The following LHX6 variants were observed in gnomAD, a reference collection of about 807,000 sequenced individuals.
LHX6 encodes the protein LIM/homeobox protein Lhx6.
LHX6 carries 15 observed loss-of-function variants against 47.1 expected under a neutral mutation model. The observed-to-expected ratio is 0.32, with a 90% CI of 0.21 to 0.49. The LOEUF is 0.49. Among genes scored for constraint, LHX6 ranks in the 20% least tolerant of loss-of-function variants. The pLI, the probability that LHX6 is intolerant of heterozygous loss-of-function variation, is 0.99. For synonymous variants in LHX6, 242 were observed against 233.5 expected, an observed-to-expected ratio of 1.04 and a Z score of -0.33; for missense variants, 404 against 539.6, an observed-to-expected ratio of 0.75 and a Z score of 2.49.
chr9:122,209,660 T>G lies in LHX6; in HGVS notation c.1112A>C (p.His371Pro), dbSNP rs749304681. ...CRLPYTAPPV[H>P]LKADMDGPLS... The stretch of plus-strand genomic sequence containing the variant: ...CGGCCCATCCATATCGGCTTTGAGG[T>G]GGACGGGGGGTGCGGTGTAAGGCAG... Residue 371 changes from histidine (H) to proline (P), a missense_variant, in exon 9 of 10, where the codon CAC (histidine) becomes CCC (proline). His to Pro is a moderately conservative substitution (Grantham distance 77). Transcript: ENST00000394319. 7.0e-7 allele frequency: 1 copy of G among 1,418,644 alleles called. No individual in the cohort carries two copies. Among genetic ancestry groups the G allele is most frequent in the East Asian group, 2.3e-5 (1 of 43,958 alleles). 87.9% of individuals were successfully genotyped at this position (1,418,644 alleles called of 1,614,324 possible).
At chr9:122,209,077 T>A (rs1457783394) in intron 9 of LHX6, among the ~76,000 whole-genome samples, 1 of 152,138 alleles carries the variant, frequency 6.6e-6, no homozygotes, top group African/African-American at 2.4e-5. Flanking sequence ...TTGCATTGCT[T>A]CAGAAATAAT....
chr9:122,221,315 C>G, intron 4 of LHX6: 1 of 985,600 alleles, frequency 1.0e-6, no homozygotes, highest in Non-Finnish European at 1.2e-6. Context: ...GCTCCCCTCT[C>G]GGCTCCCCCA....
At chr9:122,221,162 G>C (rs1830838363) in intron 4 of LHX6, 1 of 985,264 alleles carries the variant, frequency 1.0e-6, no homozygotes, top group Non-Finnish European at 1.2e-6. Flanking sequence ...TGGAGGTGGG[G>C]CCCTACCTAT....
chr9:122,214,176 GCCCCGCC>G lies in LHX6; in HGVS notation c.783+100_783+106del. The G allele has an allele frequency of 1.6e-6, 2 of 1,276,122 alleles. No individual in the cohort carries two copies. Among genetic ancestry groups the G allele is most frequent in the Non-Finnish European group, 2.1e-6 (2 of 943,544 alleles). 79.0% of individuals were successfully genotyped at this position (1,276,122 alleles called of 1,614,324 possible). A position where few individuals can be genotyped will look rare whatever the true frequency, so the allele number is the denominator to read the frequency against. ...CCACGCCCCAGGCAGCTGCGGCCCC[GCCCCGCC>G]ACCCGGGTCCGGCCCGAGGGGCGGA... On this transcript the variant is annotated intron_variant, in intron 6 of 9. Coordinates refer to ENST00000394319, the MANE Select transcript of LHX6 (RefSeq NM_014368.5). The surrounding 1 kb of genome is among the most constrained non-coding windows in gnomAD (Gnocchi z 4.6).
At chr9:122,209,073 T>C (rs1429825095) in intron 9 of LHX6, among the ~76,000 whole-genome samples, 1 of 152,204 alleles carries the variant, frequency 6.6e-6, no homozygotes, top group African/African-American at 2.4e-5. Context: ...AGGGTTGCAT[T>C]GCTTCAGAAA....
chr9:122,208,859 C>G (rs1251508617), intron 9 of LHX6, among the ~76,000 whole-genome samples: 1 of 132,228 alleles, frequency 7.6e-6, no homozygotes, highest in East Asian at 2.3e-4. Flanking sequence ...AAAAAAAAAG[C>G]AAGGTTCTCA....
Position 122,228,662 on chromosome 9 carries a change from C to A in LHX6, c.79G>T (p.Asp27Tyr), listed in dbSNP as rs1334162811. 17 of 1,297,806 alleles carry A rather than the reference C, an allele frequency of 1.3e-5. No individual in the cohort carries two copies. The highest frequency in any genetic ancestry group is 2.5e-5 in the South Asian group (1 of 40,746). The allele number at this position is 1,297,806 out of a possible 1,614,324, so 80.4% of individuals were successfully genotyped here. A position where few individuals can be genotyped will look rare whatever the true frequency, so the allele number is the denominator to read the frequency against. The change falls in exon 1 of 10, where the codon GAC (aspartate) becomes TAC (tyrosine). Residue 27 changes from aspartate (D) to tyrosine (Y), a missense_variant. Asp to Tyr is a radical substitution (Grantham distance 160). Coordinates refer to ENST00000394319, the MANE Select transcript of LHX6 (RefSeq NM_014368.5). Reference sequence around the variant, plus strand: ...CCAGTCGTTCGCCGGCTCACCTGGTCGGTGGCGGGGCCGCCCTCGGCCGGC... The same window carrying A: ...CCAGTCGTTCGCCGGCTCACCTGGTAGGTGGCGGGGCCGCCCTCGGCCGGC... Reference protein sequence around the residue: ...RLPAEGGPATDQVMAQPGSGC... With the variant: ...RLPAEGGPATYQVMAQPGSGC...
chr9:122,209,048 G>A (rs1043207884), intron 9 of LHX6, among the ~76,000 whole-genome samples: 10 of 152,152 alleles, frequency 6.6e-5, no homozygotes, highest in African/African-American at 2.2e-4. Context: ...CTGCACTATG[G>A]ACAAGTTTAA....
chr9:122,205,624 T>C (rs564071383), intron 9 of LHX6, among the ~76,000 whole-genome samples: 1 of 152,218 alleles, frequency 6.6e-6, no homozygotes, highest in Admixed American at 6.5e-5. Flanking sequence ...TGATCAGGAA[T>C]GTTACTTGCC....
At chr9:122,225,508 G>T (rs979655559) in intron 4 of LHX6, among the ~76,000 whole-genome samples, 7 of 152,268 alleles carry the variant, frequency 4.6e-5, no homozygotes, top group Non-Finnish European at 7.3e-5. Context: ...ACAGGAGGAT[G>T]CGCCTGGCTG....
intron 4 of LHX6, among the ~76,000 whole-genome samples, chr9:122,225,198 A>T (rs1395175926): frequency 6.6e-6 from 1 of 152,188 alleles, no homozygotes; most frequent in Admixed American, 6.5e-5. Flanking sequence ...TGAAGCCATG[A>T]CGTCTTCCTG....
In LHX6 at chr9:122,213,710, G is replaced by A; in HGVS notation, c.950C>T (p.Ala317Val). 3 of 1,612,054 alleles carry A rather than the reference G, an allele frequency of 1.9e-6. No homozygotes were observed. The highest frequency in any genetic ancestry group is 2.2e-5 in the South Asian group (2 of 90,916). The change falls in exon 8 of 10, where the codon GCG becomes GTG. Residue 317 changes from alanine to valine, a missense_variant. By Grantham distance (64) the Ala-to-Val change is moderately conservative. Around this residue, in one of 7 missense-constraint regions of LHX6, gnomAD observed 127 missense variants for 116.1 expected, o/e 1.09. Coordinates refer to ENST00000394319, the MANE Select transcript of LHX6 (RefSeq NM_014368.5). This position sits in a 1 kb window ranked among gnomAD's most constrained non-coding sequence, Gnocchi z 5.5. ...TPQHPVPPSG[A>V]PPSRLPSALS... ...GGCGGAGGGAAGGCGGGACGGGGGC[G>A]CCCCCGAGGGCGGCACTGGGTGTTG...
rs1473133977 is a variant in LHX6 at position 122,214,188 on chromosome 9, G to A, written c.783+95C>T. On this transcript the variant is annotated intron_variant, in intron 6 of 9. Transcript: ENST00000394319. The surrounding 1 kb of genome is among the most constrained non-coding windows in gnomAD (Gnocchi z 4.6). ...CAGCTGCGGCCCCGCCCCGCCACCC[G>A]GGTCCGGCCCGAGGGGCGGAGCCAG... is the stretch of plus-strand genomic sequence containing the variant. The A allele has an allele frequency of 2.1e-5, 15 of 711,654 alleles. No homozygotes were observed. In the East Asian group the frequency reaches 3.6e-4, roughly 17 times the overall value. 44.1% of individuals were successfully genotyped at this position (711,654 alleles called of 1,614,324 possible).
chr9:122,216,694 C>G (rs1830604621), intron 5 of LHX6, among the ~76,000 whole-genome samples: 1 of 152,152 alleles, frequency 6.6e-6, no homozygotes, highest in African/African-American at 2.4e-5. Context: ...GGATGAGCCC[C>G]CAGGCCAATG....
Position 122,214,023 on chromosome 9 carries a change from G to A in LHX6, c.830C>T (p.Thr277Met). The part of the protein sequence containing the change: ...FAQDNNPDAQ[T>M]LQKLADMTGL... The stretch of plus-strand genomic sequence containing the variant: ...CGTCATGTCCGCCAGCTTCTGCAGC[G>A]TCTGAGCGTCGGGGTTGTTGTCCTG... The change falls in exon 7 of 10, where the codon ACG becomes ATG. Residue 277 changes from threonine (T) to methionine (M), a missense_variant. Coordinates refer to ENST00000394319, the MANE Select transcript of LHX6 (RefSeq NM_014368.5). The surrounding 1 kb of genome is among the most constrained non-coding windows in gnomAD (Gnocchi z 4.6). 1.3e-6 allele frequency: 2 copies of A among 1,599,972 alleles called. No homozygotes were observed. Among genetic ancestry groups the A allele is most frequent in the South Asian group, 2.2e-5 (2 of 90,850 alleles).
At chr9:122,212,027 C>T (rs533621121) in intron 8 of LHX6, among the ~76,000 whole-genome samples, 1 of 151,884 alleles carries the variant, frequency 6.6e-6, no homozygotes, top group Non-Finnish European at 1.5e-5. Context: ...CAGCCTGGTG[C>T]GAAGACAGGG....
At chr9:122,225,937 AC>A (rs1312734392) in intron 4 of LHX6, among the ~76,000 whole-genome samples, 5 of 151,974 alleles carry the variant, frequency 3.3e-5, no homozygotes, top group Non-Finnish European at 7.4e-5. Context: ...CCCGCGAGAG[AC>A]CCCACCATGA....
Position 122,214,184 on chromosome 9 carries a change from A to AC in LHX6, c.783+98dup. ...CAGGCAGCTGCGGCCCCGCCCCGCC[A>AC]CCCGGGTCCGGCCCGAGGGGCGGAG... On this transcript the variant is annotated intron_variant, in intron 6 of 9. Coordinates refer to ENST00000394319, the MANE Select transcript of LHX6 (RefSeq NM_014368.5). The surrounding 1 kb of genome is among the most constrained non-coding windows in gnomAD (Gnocchi z 4.6). 23 of 836,682 alleles carry AC rather than the reference A, an allele frequency of 2.7e-5. No individual in the cohort carries two copies. Among genetic ancestry groups the AC allele is most frequent in the Non-Finnish European group, 3.8e-5 (22 of 573,866 alleles). The allele number at this position is 836,682 out of a possible 1,614,324, so 51.8% of individuals were successfully genotyped here. A position where few individuals can be genotyped will look rare whatever the true frequency, so the allele number is the denominator to read the frequency against.
At chr9:122,210,355 T>G (rs1800105607) in intron 8 of LHX6, among the ~76,000 whole-genome samples, 1 of 152,238 alleles carries the variant, frequency 6.6e-6, no homozygotes, top group African/African-American at 2.4e-5. Flanking sequence ...ATTCAGGCCC[T>G]GCAAGCAAGG....
Sources: allele counts gnomAD v4.1 joint callset (sites outside exome capture counted in the v4.1 genomes callset), GRCh38; gene constraint gnomAD v4.1.1; regional missense constraint gnomAD v4.1.1; non-coding constraint Gnocchi (gnomAD v3.1); transcripts MANE v1.5; gene names NCBI Gene and HGNC (gene_info 2026-07-23, HGNC 2026-07-21).